Variants in PCDHA5 observed in about 807,000 individuals in gnomAD.
PCDHA5 encodes protocadherin alpha 5, also known as protocadherin alpha-5.
Under a neutral mutation model 61.6 loss-of-function variants are expected in PCDHA5, and 43 were observed. The ratio of observed to expected loss-of-function variants is 0.70; its 90% CI spans 0.55 to 0.90. The LOEUF (loss-of-function observed/expected upper bound fraction) is 0.90, where lower values mean the gene tolerates loss of function less well. PCDHA5 is among the 40% of genes least tolerant of loss of function. The probability of loss-of-function intolerance (pLI) is 0.00; values close to 1 mark genes in which losing one functional copy is unlikely to be tolerated. For synonymous variants in PCDHA5, 627 were observed against 543.9 expected (o/e 1.15, Z -2.13); for missense variants, 1,298 against 1,222.7 (o/e 1.06, Z -0.92).
intron 1 of PCDHA5, chr5:140,835,406 G>T: frequency 6.2e-7 from 1 of 1,613,974 alleles, no homozygotes; most frequent in Non-Finnish European, 8.5e-7. Context: ...TGGAAGTTGT[G>T]GATGTAAATG....
At chr5:140,988,579 C>T (rs1292742279) in intron 3 of PCDHA5, among the ~76,000 whole-genome samples, 2 of 152,266 alleles carry the variant, frequency 1.3e-5, no homozygotes, top group East Asian at 3.9e-4. Context: ...CACTCTGTAC[C>T]TTCCACTTTT....
At chr5:140,985,684 C>T (rs2097164164) in intron 3 of PCDHA5, among the ~76,000 whole-genome samples, 1 of 151,578 alleles carries the variant, frequency 6.6e-6, no homozygotes, top group Non-Finnish European at 1.5e-5. Flanking sequence ...CTGCCTTACG[C>T]TAATCCTCGT....
chr5:140,967,837 C>T (rs2096189054), intron 1 of PCDHA5: 4 of 1,613,994 alleles, frequency 2.5e-6, no homozygotes, highest in African/African-American at 2.7e-5. Context: ...ACATCGTGGA[C>T]GTGAATGACA....
chr5:140,883,701 C>T (rs782806604), intron 1 of PCDHA5: 1 of 1,613,808 alleles, frequency 6.2e-7, no homozygotes, highest in Admixed American at 1.7e-5. Flanking sequence ...TTCACGGTGT[C>T]TGCTCAGGAC....
chr5:140,869,361 G>T, intron 1 of PCDHA5: 1 of 1,614,146 alleles, frequency 6.2e-7, no homozygotes, highest in Non-Finnish European at 8.5e-7. Context: ...TTTTGTTTGT[G>T]AATTCTCGGA....
chr5:140,840,040 A>T (rs1247550432), intron 1 of PCDHA5, among the ~76,000 whole-genome samples: 1 of 152,076 alleles, frequency 6.6e-6, no homozygotes, highest in Admixed American at 6.6e-5. Context: ...TATCTCCCAG[A>T]TGGAAGTCTA....
chr5:140,843,234 A>G, intron 1 of PCDHA5: 2 of 1,595,886 alleles, frequency 1.3e-6, no homozygotes, highest in African/African-American at 1.3e-5. Context: ...CGTGTCCTGG[A>G]CGAAGCGGAC....
intron 1 of PCDHA5, chr5:140,857,539 G>T (rs782469087): frequency 6.3e-7 from 1 of 1,597,270 alleles, no homozygotes; most frequent in African/African-American, 1.3e-5. Flanking sequence ...TGGAGCGGCG[G>T]TTGGGCGAGC....
At chr5:140,959,871 T>C (rs572861997) in intron 1 of PCDHA5, among the ~76,000 whole-genome samples, 1 of 152,322 alleles carries the variant, frequency 6.6e-6, no homozygotes, top group Admixed American at 6.5e-5. Flanking sequence ...GCAAAATCTG[T>C]CAAGGAATAC....
At chr5:140,908,165 G>T (rs1422050863) in intron 1 of PCDHA5, among the ~76,000 whole-genome samples, 1 of 152,222 alleles carries the variant, frequency 6.6e-6, no homozygotes, top group African/African-American at 2.4e-5. Context: ...GGGCTGTAGT[G>T]CTGCAGCTGT....
chr5:140,863,415 C>T (rs782613716), intron 1 of PCDHA5: 2 of 737,502 alleles, frequency 2.7e-6, no homozygotes, highest in Admixed American at 1.9e-5. Flanking sequence ...CGCTGGTGTA[C>T]CGCAGCGTAG....
intron 1 of PCDHA5, chr5:140,843,796 T>C: frequency 2.2e-6 from 3 of 1,356,238 alleles, no homozygotes; most frequent in African/African-American, 1.4e-5. Context: ...GATTTAGTTT[T>C]TCACCGTATT....
intron 1 of PCDHA5, among the ~76,000 whole-genome samples, chr5:140,899,542 G>A (rs2067394532): frequency 6.6e-6 from 1 of 152,156 alleles, no homozygotes; most frequent in Non-Finnish European, 1.5e-5. Flanking sequence ...ACTTGATCAT[G>A]GTGGATAAGC....
intron 1 of PCDHA5, among the ~76,000 whole-genome samples, chr5:140,972,262 C>G (rs116021362): frequency 0.021 from 3,220 of 151,618 alleles, 50 homozygotes; most frequent in Non-Finnish European, 0.033. Context: ...ACATCAGCCT[C>G]CTGAGTAGCT....
At position 140,845,912 on chromosome 5, in the gene PCDHA5, C is replaced by A. The variant is rs186058718; in HGVS notation, c.2352+21785C>A. On this transcript the variant is annotated intron_variant, in intron 1 of 3. Transcript: ENST00000529859. ...AGTCGTTATGGCCTTCCATATTAAT[C>A]TTATTTTTGTGTAAAACTATCTTCT... Among the ~76,000 whole-genome samples, 208 of 149,552 alleles carry A rather than the reference C, an allele frequency of 1.4e-3. 17 individuals are homozygous for A. The Middle Eastern group carries it at 0.024, about 17-fold the overall frequency.
At chr5:140,931,875 T>C (rs1457456146) in intron 1 of PCDHA5, among the ~76,000 whole-genome samples, 3 of 151,982 alleles carry the variant, frequency 2.0e-5, no homozygotes, top group African/African-American at 7.2e-5. Flanking sequence ...AAAATATTTA[T>C]TGCTTTCATT....
chr5:141,004,403 C>T (rs1424370254), intron 3 of PCDHA5, among the ~76,000 whole-genome samples: 1 of 152,166 alleles, frequency 6.6e-6, no homozygotes, highest in Non-Finnish European at 1.5e-5. Flanking sequence ...GGAGGAGGCA[C>T]CTGACTAGAT....
intron 3 of PCDHA5, among the ~76,000 whole-genome samples, chr5:141,000,680 T>C (rs953789526): frequency 1.3e-5 from 2 of 151,376 alleles, no homozygotes; most frequent in African/African-American, 2.4e-5. Flanking sequence ...CACCTGCCTC[T>C]GCCTCCCAAA....
At chr5:140,885,119 TTTTC>T (rs1425065169) in intron 1 of PCDHA5, among the ~76,000 whole-genome samples, 2 of 152,334 alleles carry the variant, frequency 1.3e-5, no homozygotes, top group East Asian at 3.9e-4. Context: ...TTAAGTGCAC[TTTTC>T]TTTCTTTCTT....
Sources: allele counts gnomAD v4.1 joint callset (sites outside exome capture counted in the v4.1 genomes callset), GRCh38; gene constraint gnomAD v4.1.1; transcripts MANE v1.5; gene names NCBI Gene and HGNC (gene_info 2026-07-23, HGNC 2026-07-21).